Variants in ZNF410 observed in about 807,000 individuals in gnomAD.
ZNF410 encodes another partner for ARF 1.
Under a neutral mutation model 54.8 loss-of-function variants are expected in ZNF410, and 18 were observed. That is an observed-to-expected ratio of 0.33 (90% CI 0.23 to 0.49). The LOEUF (loss-of-function observed/expected upper bound fraction) is 0.49, where lower values mean the gene tolerates loss of function less well. Among genes scored for constraint, ZNF410 ranks in the 20% least tolerant of loss-of-function variants. ZNF410 has a pLI of 0.99. For synonymous variants in ZNF410, 191 were observed against 207.3 expected (o/e 0.92, Z 0.68); for missense variants, 405 against 569.6 (o/e 0.71, Z 2.94).
Position 73,886,905 on chromosome 14 carries a change from G to C in ZNF410, c.-160G>C. The C allele has an allele frequency of 6.5e-6, 1 of 152,802 alleles. No individual in the cohort carries two copies. Among genetic ancestry groups the C allele is most frequent in the Admixed American group, 6.5e-5 (1 of 15,286 alleles). 9.5% of individuals were successfully genotyped at this position (152,802 alleles called of 1,614,324 possible). A position where few individuals can be genotyped will look rare whatever the true frequency, so the allele number is the denominator to read the frequency against. On this transcript the variant is annotated 5_prime_UTR_variant, in exon 1 of 12. Coordinates refer to ENST00000555044, the MANE Select transcript of ZNF410 (RefSeq NM_021188.3). ...CCGACTGACGGCCGGCCGGCTTCCC[G>C]GAACTGGAAGGTGAGCTCCGAGGTG...
chr14:73,909,608 G>GC (rs2055545830), intron 8 of ZNF410, 178 bp downstream of exon 8: 1 of 329,328 alleles, frequency 3.0e-6, no homozygotes, highest in Non-Finnish European at 5.1e-6. Flanking sequence ...AATCAAGGTT[G>GC]GGGGGGGGAC....
chr14:73,887,820 T>C (rs2055167527), intron 1 of ZNF410, among the ~76,000 whole-genome samples: 1 of 152,230 alleles, frequency 6.6e-6, no homozygotes. Flanking sequence ...AGTAGATGTC[T>C]AATTTTTGGC....
chr14:73,915,249 G>A (rs1374298060), intron 8 of ZNF410, among the ~76,000 whole-genome samples: 1 of 88,774 alleles, frequency 1.1e-5, no homozygotes. Context: ...GTGATAGAGC[G>A]AGAATCTGTC....
intron 4 of ZNF410, among the ~76,000 whole-genome samples, chr14:73,897,361 C>A (rs1379420556): frequency 6.6e-6 from 1 of 152,024 alleles, no homozygotes; most frequent in Non-Finnish European, 1.5e-5. Flanking sequence ...TTTTCTAATT[C>A]TTTTTAAAAA....
chr14:73,928,853 C>A (rs1352992693), intron 11 of ZNF410, among the ~76,000 whole-genome samples: 1 of 152,070 alleles, frequency 6.6e-6, no homozygotes, highest in African/African-American at 2.4e-5. Context: ...GAGGCTGAGG[C>A]AGGAGGATCA....
At chr14:73,925,379 C>T (rs868068751) in intron 11 of ZNF410, among the ~76,000 whole-genome samples, 1 of 151,004 alleles carries the variant, frequency 6.6e-6, no homozygotes, top group Non-Finnish European at 1.5e-5. Context: ...AAACCCACGT[C>T]GAAGTCGAAG....
intron 4 of ZNF410, among the ~76,000 whole-genome samples, chr14:73,897,160 G>A (rs1001056044): frequency 1.3e-5 from 2 of 151,962 alleles, no homozygotes; most frequent in African/African-American, 4.8e-5. Context: ...TTAGTGAGAA[G>A]AAGTGTGTGT....
intron 8 of ZNF410, chr14:73,914,596 G>T (rs1180440582): frequency 1.3e-5 from 2 of 151,190 alleles, no homozygotes; most frequent in Non-Finnish European, 2.9e-5. Flanking sequence ...GGGATGACAG[G>T]CATGAGCCAC....
At chr14:73,918,920 G>A (rs1594763231) in intron 8 of ZNF410, among the ~76,000 whole-genome samples, 1 of 142,500 alleles carries the variant, frequency 7.0e-6, no homozygotes, top group Non-Finnish European at 1.5e-5. Context: ...GGATGGTCTT[G>A]ATCTCCTGAC....
intron 11 of ZNF410, chr14:73,924,728 G>A (rs2055803841): frequency 4.6e-6 from 2 of 438,550 alleles, no homozygotes; most frequent in Non-Finnish European, 9.0e-6. Flanking sequence ...CCAGGCTGGA[G>A]TGCAGTGGTG....
intron 1 of ZNF410, among the ~76,000 whole-genome samples, chr14:73,889,888 CT>C (rs1466327355): frequency 6.7e-6 from 1 of 149,438 alleles, no homozygotes; most frequent in Non-Finnish European, 1.5e-5. Flanking sequence ...TCTCCATCTC[CT>C]AGGTCCAAGC....
intron 2 of ZNF410, among the ~76,000 whole-genome samples, chr14:73,892,456 A>T (rs187008783): frequency 6.6e-6 from 1 of 151,668 alleles, no homozygotes; most frequent in East Asian, 1.9e-4. Context: ...ATAAAATCTT[A>T]TAAATAAAAA....
Position 73,920,986 on chromosome 14 carries a change from A to C in ZNF410, c.1010A>C (p.Lys337Thr). 1 of 1,614,066 alleles carries C rather than the reference A, an allele frequency of 6.2e-7. No homozygotes were observed. The highest frequency in any genetic ancestry group is 1.7e-5 in the Admixed American group (1 of 60,010). ...AACCTGGTCCCTGTTTCAGGAGAGA[A>C]GCCTCATCAGTGCCAAGTCTGTGGG... ...RKHLVVHSGEKPHQCQVCGKT... is the reference protein window; with the variant it reads ...RKHLVVHSGETPHQCQVCGKT... Residue 337 changes from lysine (K) to threonine (T), a missense_variant, in exon 9 of 12, where the codon AAG (lysine) becomes ACG (threonine). Coordinates refer to ENST00000555044, the MANE Select transcript of ZNF410 (RefSeq NM_021188.3).
chr14:73,903,104 C>T (rs920316269), intron 5 of ZNF410, among the ~76,000 whole-genome samples: 4 of 152,162 alleles, frequency 2.6e-5, no homozygotes, highest in Non-Finnish European at 5.9e-5. Context: ...AGAATGACTA[C>T]TTCTTCTTAA....
intron 4 of ZNF410, among the ~76,000 whole-genome samples, chr14:73,896,811 T>C (rs1314043749): frequency 6.6e-6 from 1 of 152,138 alleles, no homozygotes. Context: ...TGCACCTATT[T>C]ATGTTGAGAT....
At chr14:73,915,748 G>A (rs770148003) in intron 8 of ZNF410, 1 of 152,130 alleles carries the variant, frequency 6.6e-6, no homozygotes, top group African/African-American at 2.4e-5. Flanking sequence ...TTATGAATGG[G>A]TATTGGATCT....
chr14:73,904,227 C>T, intron 6 of ZNF410, 117 bp downstream of exon 6: 1 of 1,065,696 alleles, frequency 9.4e-7, no homozygotes, highest in East Asian at 2.6e-5. Flanking sequence ...CAGTTAACTT[C>T]TGGTTAAGAT....
chr14:73,919,623 C>CT (rs1300026098), intron 8 of ZNF410, among the ~76,000 whole-genome samples: 1 of 152,068 alleles, frequency 6.6e-6, no homozygotes, highest in East Asian at 1.9e-4. Flanking sequence ...TGATTTTGTT[C>CT]TTTTTTATGG....
At chr14:73,890,349 G>A (rs1482342271) in intron 1 of ZNF410, among the ~76,000 whole-genome samples, 1 of 151,800 alleles carries the variant, frequency 6.6e-6, no homozygotes, top group Non-Finnish European at 1.5e-5. Context: ...CCACATGCCC[G>A]GCTAATTTTT....
Sources: gnomAD v4.1 joint callset for allele counts (sites outside exome capture counted in the v4.1 genomes callset) on GRCh38, gnomAD v4.1.1 for gene constraint, MANE v1.5 for transcripts, NCBI Gene and HGNC (gene_info 2026-07-23, HGNC 2026-07-21) for gene names.